The following GATAD2A variants were observed in gnomAD, a reference collection of about 807,000 sequenced individuals.
GATAD2A encodes the protein GATA zinc finger domain containing 2A.
GATAD2A carries 12 observed loss-of-function variants against 68.5 expected under a neutral mutation model. That is an observed-to-expected ratio of 0.18 (90% CI 0.11 to 0.28). The LOEUF is 0.28. GATAD2A is among the 10% of genes least tolerant of loss of function. The pLI is 1.00. For missense variants in GATAD2A, 755 were observed against 868.5 expected (o/e 0.87, Z 1.64); for synonymous variants, 410 against 375.3 (o/e 1.09, Z -1.07).
chr19:19,483,535 C>T (rs891367657), intron 2 of GATAD2A, among the ~76,000 whole-genome samples: 7 of 151,900 alleles, frequency 4.6e-5, no homozygotes, highest in South Asian at 2.1e-4. Flanking sequence ...AGAGGGGCTG[C>T]GGCTGGCGAG....
At chr19:19,409,734 C>T (rs554878380) in intron 1 of GATAD2A, among the ~76,000 whole-genome samples, 3 of 152,262 alleles carry the variant, frequency 2.0e-5, no homozygotes, top group Admixed American at 6.5e-5. Context: ...TAGTGAGACC[C>T]GTACTGTCAG....
At chr19:19,435,813 TCACTC>T (rs1361001968) in intron 1 of GATAD2A, among the ~76,000 whole-genome samples, 1 of 152,184 alleles carries the variant, frequency 6.6e-6, no homozygotes, top group Non-Finnish European at 1.5e-5. Context: ...TCGTGCCACT[TCACTC>T]CAGTCTGGGC....
chr19:19,386,478 C>T (rs1425073241), intron 1 of GATAD2A, among the ~76,000 whole-genome samples: 2 of 151,380 alleles, frequency 1.3e-5, no homozygotes, highest in Non-Finnish European at 3.0e-5. Context: ...TCTAGCGACC[C>T]CCACCTTTCT....
In GATAD2A at chr19:19,406,902, G is replaced by C. The variant is rs539798423; in HGVS notation, c.-7+883G>C. Among the ~76,000 whole-genome samples the C allele has an allele frequency of 2.0e-5, 3 of 152,308 alleles. No individual in the cohort carries two copies. In the South Asian group the frequency reaches 6.2e-4, roughly 32 times the overall value. On this transcript the variant is annotated intron_variant, in intron 1 of 11. Transcript: ENST00000683918. ...CCTTAGGTGCGTGTTTCTGCCCTGAGAATTTTGCACAGGGCAAAATTTTGT... is the reference window on the plus strand; with the variant it reads ...CCTTAGGTGCGTGTTTCTGCCCTGACAATTTTGCACAGGGCAAAATTTTGT...
At chr19:19,405,544 GC>G (rs1202358571), upstream of GATAD2A, among the ~76,000 whole-genome samples, 1 of 152,070 alleles carries the variant, frequency 6.6e-6, no homozygotes, top group Non-Finnish European at 1.5e-5. Flanking sequence ...GTGGGAGCGC[GC>G]CGGAGAGGGG....
At chr19:19,397,599 T>C (rs2049358213) in intron 1 of GATAD2A, among the ~76,000 whole-genome samples, 1 of 152,204 alleles carries the variant, frequency 6.6e-6, no homozygotes, top group African/African-American at 2.4e-5. Context: ...CTAGACTCTG[T>C]AATGGTATAC....
intron 1 of GATAD2A, among the ~76,000 whole-genome samples, chr19:19,417,916 G>A (rs973605885): frequency 3.9e-5 from 6 of 152,186 alleles, no homozygotes; most frequent in African/African-American, 1.2e-4. Flanking sequence ...CCCCAGGGGT[G>A]TCTGGTTGTG....
intron 1 of GATAD2A, among the ~76,000 whole-genome samples, chr19:19,434,733 A>G (rs2054128508): frequency 6.6e-6 from 1 of 152,122 alleles, no homozygotes; most frequent in Admixed American, 6.5e-5. Flanking sequence ...CGGAAGTGGA[A>G]GTCCGAGGCA....
chr19:19,419,724 C>T (rs2052112410), intron 1 of GATAD2A, among the ~76,000 whole-genome samples: 1 of 152,008 alleles, frequency 6.6e-6, no homozygotes, highest in South Asian at 2.1e-4. Context: ...CCATGTTGGC[C>T]AGGCTGGTCT....
At chr19:19,435,538 A>G (rs1464301035) in intron 1 of GATAD2A, among the ~76,000 whole-genome samples, 1 of 152,060 alleles carries the variant, frequency 6.6e-6, no homozygotes, top group Non-Finnish European at 1.5e-5. Context: ...TTCTGTTTTT[A>G]ATGTCATTAC....
intron 1 of GATAD2A, among the ~76,000 whole-genome samples, chr19:19,388,771 T>G (rs1357351276): frequency 1.3e-5 from 2 of 152,020 alleles, no homozygotes; most frequent in East Asian, 1.9e-4. Flanking sequence ...TAACTTAACC[T>G]TCCCTCCCCG....
intron 1 of GATAD2A, among the ~76,000 whole-genome samples, chr19:19,397,204 A>G (rs10424702): frequency 0.13 from 19,079 of 152,186 alleles, 1,247 homozygotes; most frequent in East Asian, 0.23. Flanking sequence ...AATGTGCTAT[A>G]GTAGGATCCA....
At chr19:19,430,972 TA>T (rs1348933419) in intron 1 of GATAD2A, among the ~76,000 whole-genome samples, 3 of 112,660 alleles carry the variant, frequency 2.7e-5, no homozygotes, top group Non-Finnish European at 5.6e-5. Flanking sequence ...GGTTGTATGG[TA>T]GGGGTGTGTG....
intron 1 of GATAD2A, among the ~76,000 whole-genome samples, chr19:19,463,269 C>G (rs925796505): frequency 3.9e-5 from 6 of 152,180 alleles, no homozygotes; most frequent in African/African-American, 1.4e-4. Context: ...ACTCTGAGGG[C>G]AGTGACTTAT....
chr19:19,468,220 T>C (rs988552013), intron 2 of GATAD2A, among the ~76,000 whole-genome samples: 1 of 152,240 alleles, frequency 6.6e-6, no homozygotes, highest in Admixed American at 6.5e-5. Context: ...AGAGGTTCTG[T>C]CCAGCCACTG....
chr19:19,481,570 C>T lies in GATAD2A; in HGVS notation c.270-10736C>T, dbSNP rs1342998543. Reference sequence around the variant, plus strand: ...TGAACTCCAAAGCTCAGGTCATCCTCTCACCTCAGCCTCCCAAAGCGCTGG... The same window carrying T: ...TGAACTCCAAAGCTCAGGTCATCCTTTCACCTCAGCCTCCCAAAGCGCTGG... On this transcript the variant is annotated intron_variant, in intron 2 of 11. Coordinates refer to ENST00000683918, the MANE Select transcript of GATAD2A (RefSeq NM_001384528.1). Among the ~76,000 whole-genome samples, 13 of 152,290 alleles carry T rather than the reference C, an allele frequency of 8.5e-5. No individual in the cohort carries two copies. In the East Asian group the frequency reaches 2.5e-3, roughly 29 times the overall value.
chr19:19,420,973 C>A (rs1258726954), intron 1 of GATAD2A, among the ~76,000 whole-genome samples: 2 of 152,232 alleles, frequency 1.3e-5, no homozygotes, highest in African/African-American at 4.8e-5. Context: ...AGAGATGATT[C>A]TCTTGGTGTC....
Position 19,492,450 on chromosome 19 carries a change from G to GT in GATAD2A, c.402+14dup. 1 of 1,613,856 alleles carries GT rather than the reference G, an allele frequency of 6.2e-7. No homozygotes were observed. Among genetic ancestry groups the GT allele is most frequent in the Non-Finnish European group, 8.5e-7 (1 of 1,179,840 alleles). On this transcript the variant is annotated intron_variant, in intron 3 of 11. Coordinates refer to ENST00000683918, the MANE Select transcript of GATAD2A (RefSeq NM_001384528.1). ...CCGAGGCCCTCATGGTGAGCCACGTGTTGGCGCTGCCGCCGGAGCCCCACT... is the reference window on the plus strand; with the variant it reads ...CCGAGGCCCTCATGGTGAGCCACGTGTTTGGCGCTGCCGCCGGAGCCCCACT...
At chr19:19,440,788 T>C (rs1452218561) in intron 1 of GATAD2A, among the ~76,000 whole-genome samples, 1 of 152,202 alleles carries the variant, frequency 6.6e-6, no homozygotes, top group Admixed American at 6.5e-5. Flanking sequence ...TAACACACAT[T>C]GGTGACTTAA....
Sources: allele counts gnomAD v4.1 joint callset (sites outside exome capture counted in the v4.1 genomes callset), GRCh38; gene constraint gnomAD v4.1.1; transcripts MANE v1.5; gene names NCBI Gene and HGNC (gene_info 2026-07-23, HGNC 2026-07-21).